The following EPB41L1 variants were observed in gnomAD, a reference collection of about 807,000 sequenced individuals.
EPB41L1 encodes band 4.1-like protein 1.
Under a neutral mutation model 97.8 loss-of-function variants are expected in EPB41L1, and 29 were observed. That is an observed-to-expected ratio of 0.30 (90% CI 0.22 to 0.40). The LOEUF is 0.40. Among genes scored for constraint, EPB41L1 ranks in the 10% least tolerant of loss-of-function variants. The pLI is 1.00. For missense variants in EPB41L1, 812 were observed against 1,162.3 expected, an observed-to-expected ratio of 0.70 and a Z score of 4.38; for synonymous variants, 383 against 459.2, an observed-to-expected ratio of 0.83 and a Z score of 2.12.
At chr20:36,163,596 G>A (rs1329652227) in intron 1 of EPB41L1, among the ~76,000 whole-genome samples, 1 of 152,186 alleles carries the variant, frequency 6.6e-6, no homozygotes, top group Non-Finnish European at 1.5e-5. Flanking sequence ...CTGAGGAGAT[G>A]TTAATAAAGA....
intron 14 of EPB41L1, among the ~76,000 whole-genome samples, 181 bp downstream of exon 14, chr20:36,198,222 C>T (rs889950660): frequency 2.6e-5 from 4 of 152,160 alleles, no homozygotes; most frequent in African/African-American, 9.7e-5. Context: ...ATCTTGGAAT[C>T]CTGGGTCCTG....
intron 1 of EPB41L1, among the ~76,000 whole-genome samples, chr20:36,102,389 C>G (rs934097410): frequency 6.6e-6 from 1 of 152,132 alleles, no homozygotes; most frequent in Non-Finnish European, 1.5e-5. Flanking sequence ...TGGAGCCTAA[C>G]GTCTAGAGAA....
intron 14 of EPB41L1, among the ~76,000 whole-genome samples, chr20:36,202,263 G>T (rs1283082196): frequency 1.3e-5 from 2 of 152,208 alleles, no homozygotes; most frequent in African/African-American, 4.8e-5. Flanking sequence ...TGTCCTTGGC[G>T]GCAGCCCATT....
intron 1 of EPB41L1, among the ~76,000 whole-genome samples, chr20:36,103,266 T>C (rs955386885): frequency 6.6e-6 from 1 of 152,206 alleles, no homozygotes; most frequent in Non-Finnish European, 1.5e-5. Context: ...GCACCTAGCA[T>C]GGGGCTGTGC....
Position 36,154,801 on chromosome 20 carries a change from G to A in EPB41L1, c.-110G>A. 1 of 989,072 alleles carries A rather than the reference G, an allele frequency of 1.0e-6. No homozygotes were observed. Among genetic ancestry groups the A allele is most frequent in the Admixed American group, 6.1e-5 (1 of 16,296 alleles). The allele number at this position is 989,072 out of a possible 1,614,324, so 61.3% of individuals were successfully genotyped here. ...CAGGCTGCTCCGCAGAGCCCGCCGC[G>A]ACCCCGCGCCGCCCCGCCCCGCGGC... On this transcript the variant is annotated 5_prime_UTR_variant, in exon 1 of 22. Transcript: ENST00000338074. The surrounding 1 kb of genome is among the most constrained non-coding windows in gnomAD (Gnocchi z 5.5).
rs147566493 is a variant in EPB41L1, at chr20:36,112,262, C to T, written c.-64-164C>T. Reference sequence around the variant, plus strand: ...TGCCGCTTCAGGTGCATATTTGTTACTTTCTATTTTGCTTTCCGCCTTGTC... The same window carrying T: ...TGCCGCTTCAGGTGCATATTTGTTATTTTCTATTTTGCTTTCCGCCTTGTC... On this transcript the variant is annotated intron_variant, in intron 1 of 19. Transcript: ENST00000202028. Among the ~76,000 whole-genome samples, 19 of 152,312 alleles carry T rather than the reference C, an allele frequency of 1.2e-4. No individual in the cohort carries two copies. In the East Asian group the frequency reaches 3.7e-3, roughly 29 times the overall value.
At chr20:36,133,949 C>T (rs1237083260) in intron 2 of EPB41L1, among the ~76,000 whole-genome samples, 1 of 151,834 alleles carries the variant, frequency 6.6e-6, no homozygotes, top group Non-Finnish European at 1.5e-5. Context: ...TCATTCTATA[C>T]TTGGATGACT....
At chr20:36,112,400 G>A (rs952702724) in intron 1 of EPB41L1, 3 of 152,334 alleles carry the variant, frequency 2.0e-5, no homozygotes, top group Admixed American at 1.3e-4. Context: ...CTGTTCTGAG[G>A]AGCTAACGCT....
chr20:36,174,472 C>A (rs1254633408), intron 2 of EPB41L1, among the ~76,000 whole-genome samples: 1 of 152,134 alleles, frequency 6.6e-6, no homozygotes, highest in East Asian at 1.9e-4. Flanking sequence ...AGAGTCTCAC[C>A]ATATTGGCCA....
At chr20:36,127,665 G>A (rs2059026302) in intron 2 of EPB41L1, among the ~76,000 whole-genome samples, 3 of 152,080 alleles carry the variant, frequency 2.0e-5, no homozygotes, top group African/African-American at 2.4e-5. Context: ...TTCTCCCTGG[G>A]CCTCGGTTTC....
intron 1 of EPB41L1, among the ~76,000 whole-genome samples, chr20:36,102,285 T>C (rs569469390): frequency 3.3e-5 from 5 of 152,282 alleles, no homozygotes; most frequent in Non-Finnish European, 7.4e-5. Flanking sequence ...AGAGTGTGCA[T>C]TGTCCCTAGG....
At chr20:36,140,007 G>A (rs1270879012) in intron 2 of EPB41L1, among the ~76,000 whole-genome samples, 1 of 151,852 alleles carries the variant, frequency 6.6e-6, no homozygotes, top group Non-Finnish European at 1.5e-5. Flanking sequence ...TGGGATTGCA[G>A]GCATGAGCCA....
chr20:36,185,114 C>T lies in EPB41L1; in HGVS notation c.567-3C>T. On this transcript the variant is annotated splice_region_variant and splice_polypyrimidine_tract_variant and intron_variant, in intron 6 of 21. Transcript: ENST00000338074. The stretch of plus-strand genomic sequence containing the variant: ...GCCCATGCTGGCTCTCCCCTATCTC[C>T]AGATACTACCTGTGCCTGCAGCTGC... 6.2e-7 allele frequency: 1 copy of T among 1,612,164 alleles called. No homozygotes were observed. Among genetic ancestry groups the T allele is most frequent in the Non-Finnish European group, 8.5e-7 (1 of 1,180,008 alleles).
Position 36,136,752 on chromosome 20 carries a change from A to ATT in EPB41L1, c.-10+24282_-10+24283dup, listed in dbSNP as rs34321386. Among the ~76,000 whole-genome samples the ATT allele has an allele frequency of 4.2e-4, 62 of 147,170 alleles. 2 individuals are homozygous for ATT. In the South Asian group the frequency reaches 6.0e-3, roughly 14 times the overall value. On this transcript the variant is annotated intron_variant, in intron 2 of 19. Transcript: ENST00000202028. The stretch of plus-strand genomic sequence containing the variant: ...AGGTGCATACCGTGGTACCTGACTA[A>ATT]TTTTTTTTTTTGTAAAAATGGGGTT...
intron 1 of EPB41L1, among the ~76,000 whole-genome samples, chr20:36,161,118 T>C (rs555469467): frequency 6.6e-6 from 1 of 152,340 alleles, no homozygotes; most frequent in Admixed American, 6.5e-5. Flanking sequence ...GGAACTGGTC[T>C]TGGAGGAGGC....
rs114208832 is a variant in EPB41L1, at chr20:36,185,318, G to A, written c.768G>A (p.Glu256=). The change falls in exon 7 of 22, where the codon GAG becomes GAA. Residue 256 remains glutamate, a synonymous_variant. Transcript: ENST00000338074. The stretch of plus-strand genomic sequence containing the variant: ...GGGAGCTGGAGGAGAGGATCATGGA[G>A]CTGCATAAGACATATAGGTAAGAGG... ...QTRELEERIM[E]LHKTYRGMTP... is the part of the protein sequence containing the mutation. The A allele has an allele frequency of 1.8e-4, 298 of 1,613,140 alleles. No homozygotes were observed. In the African/African-American group the frequency reaches 3.7e-3, roughly 20 times the overall value.
chr20:36,109,069 G>A (rs1297882538), intron 1 of EPB41L1, among the ~76,000 whole-genome samples: 9 of 151,722 alleles, frequency 5.9e-5, no homozygotes, highest in Non-Finnish European at 1.0e-4. Context: ...TCAGCCTCCC[G>A]AATAGCTGGG....
chr20:36,138,315 A>AGT (rs890473900), intron 2 of EPB41L1, among the ~76,000 whole-genome samples: 2 of 145,880 alleles, frequency 1.4e-5, no homozygotes, highest in African/African-American at 2.6e-5. Flanking sequence ...GCCAGGCTGG[A>AGT]GTGCAGTGGC....
At chr20:36,191,404 A>G (rs1460709020) in intron 11 of EPB41L1, among the ~76,000 whole-genome samples, 4 of 152,154 alleles carry the variant, frequency 2.6e-5, no homozygotes, top group Non-Finnish European at 2.9e-5. Flanking sequence ...TGCCCTTAAC[A>G]TCAATGAAAA....
Sources: allele counts gnomAD v4.1 joint callset (sites outside exome capture counted in the v4.1 genomes callset), GRCh38; gene constraint gnomAD v4.1.1; non-coding constraint Gnocchi (gnomAD v3.1); transcripts MANE v1.5; gene names NCBI Gene and HGNC (gene_info 2026-07-23, HGNC 2026-07-21).